ARHGEF3: variants seen among roughly 807,000 people sequenced by gnomAD.
The protein encoded by ARHGEF3 is Rho guanine nucleotide exchange factor 3.
ARHGEF3 carries 28 observed loss-of-function variants against 63.2 expected under a neutral mutation model. That is an observed-to-expected ratio of 0.44 (90% CI 0.33 to 0.61). The LOEUF (loss-of-function observed/expected upper bound fraction) is 0.61, where lower values mean the gene tolerates loss of function less well. ARHGEF3 is among the 20% of genes least tolerant of loss of function. ARHGEF3 has a pLI of 0.03. For synonymous variants in ARHGEF3, 266 were observed against 254.2 expected (o/e 1.05, Z -0.44); for missense variants, 533 against 659.3 (o/e 0.81, Z 2.10).
Position 57,022,191 on chromosome 3 carries a change from T to C in ARHGEF3, c.62+12897A>G, listed in dbSNP as rs577418141. ...CTAGAGGCTGAGTCAGGGGGATTGC[T>C]TGAGCTCAGGAGTTTGAGGCTGCAG... On this transcript the variant is annotated intron_variant, in intron 2 of 12. Coordinates refer to the ARHGEF3 transcript ENST00000338458. Among the ~76,000 whole-genome samples, 4 of 152,208 alleles carry C rather than the reference T, an allele frequency of 2.6e-5. No individual in the cohort carries two copies. The South Asian group carries it at 8.3e-4, about 32-fold the overall frequency.
At chr3:56,799,033 G>T (rs1010026784) in intron 1 of ARHGEF3, among the ~76,000 whole-genome samples, 1 of 152,088 alleles carries the variant, frequency 6.6e-6, no homozygotes, top group Admixed American at 6.5e-5. Context: ...ATCTTTTAAA[G>T]AAAATAAAAA....
At chr3:57,063,303 G>C (rs529257367) in intron 1 of ARHGEF3, among the ~76,000 whole-genome samples, 1 of 152,232 alleles carries the variant, frequency 6.6e-6, no homozygotes, top group African/African-American at 2.4e-5. Context: ...CACCCTAAAG[G>C]CTTTGGCTTT....
chr3:56,834,642 C>T (rs2039047291), intron 4 of ARHGEF3, among the ~76,000 whole-genome samples: 1 of 151,588 alleles, frequency 6.6e-6, no homozygotes, highest in Non-Finnish European at 1.5e-5. Context: ...TGCCTGTAAT[C>T]CCAGCTTCTC....
intron 4 of ARHGEF3, among the ~76,000 whole-genome samples, chr3:56,849,643 G>A (rs1290549514): frequency 1.4e-5 from 2 of 146,800 alleles, no homozygotes; most frequent in African/African-American, 5.1e-5. Flanking sequence ...GCCCAAAATA[G>A]ATGGTCCCTC....
At chr3:56,732,948 G>GAC (rs2033281814) in intron 8 of ARHGEF3, among the ~76,000 whole-genome samples, 1 of 152,004 alleles carries the variant, frequency 6.6e-6, no homozygotes, top group Admixed American at 6.6e-5. Flanking sequence ...AGGAGTTCAA[G>GAC]ACTAGGCTGG....
intron 1 of ARHGEF3, among the ~76,000 whole-genome samples, chr3:57,038,224 G>T (rs370213079): frequency 6.6e-6 from 1 of 152,184 alleles, no homozygotes; most frequent in African/African-American, 2.4e-5. Flanking sequence ...CTCGGTGGTG[G>T]CTGAATGAAT....
chr3:56,762,814 C>G lies in ARHGEF3; in HGVS notation c.205-7663G>C, dbSNP rs193048909. On this transcript the variant is annotated intron_variant, in intron 2 of 9. Coordinates refer to ENST00000296315, the MANE Select transcript of ARHGEF3 (RefSeq NM_019555.3). ...CTGCGGTGGGTTAAACCAAAATGTA[C>G]AGCAATAATGGCCAGGACAGGAAAA... Among the ~76,000 whole-genome samples, 705 of 152,250 alleles carry G rather than the reference C, an allele frequency of 4.6e-3. 3 individuals are homozygous for G. The highest frequency in any genetic ancestry group is 7.5e-3 in the Non-Finnish European group (511 of 68,020).
intron 7 of ARHGEF3, among the ~76,000 whole-genome samples, chr3:56,743,211 C>A (rs1197154436): frequency 1.3e-5 from 2 of 152,202 alleles, no homozygotes; most frequent in Non-Finnish European, 2.9e-5. Flanking sequence ...CTGTGTTGGG[C>A]CTGCCAGATA....
intron 3 of ARHGEF3, among the ~76,000 whole-genome samples, chr3:56,887,982 CA>C (rs2040979002): frequency 6.6e-6 from 1 of 151,976 alleles, no homozygotes; most frequent in East Asian, 1.9e-4. Flanking sequence ...AAAGGGCAGC[CA>C]AAATTAAATC....
chr3:56,810,108 T>C (rs1238471462), intron 4 of ARHGEF3, among the ~76,000 whole-genome samples: 4 of 152,190 alleles, frequency 2.6e-5, no homozygotes, highest in African/African-American at 9.7e-5. Context: ...TAACCATTAT[T>C]CAGAGAAATT....
intron 4 of ARHGEF3, among the ~76,000 whole-genome samples, chr3:56,845,122 A>G (rs2039443228): frequency 6.7e-6 from 1 of 149,350 alleles, no homozygotes. Context: ...CAGTCCTTCA[A>G]CCACAAGAAG....
intron 6 of ARHGEF3, among the ~76,000 whole-genome samples, chr3:56,747,106 G>A (rs1231612919): frequency 1.4e-5 from 2 of 147,926 alleles, no homozygotes; most frequent in Non-Finnish European, 3.0e-5. Context: ...GAACCCAAAC[G>A]TGGTACTGTG....
chr3:56,750,960 A>C (rs2034704614), intron 6 of ARHGEF3, 96 bp downstream of exon 6: 1 of 887,808 alleles, frequency 1.1e-6, no homozygotes. Context: ...CATTTGTAAA[A>C]AAATAAAAAT....
At chr3:57,025,339 A>G (rs1200903756) in intron 2 of ARHGEF3, among the ~76,000 whole-genome samples, 2 of 152,160 alleles carry the variant, frequency 1.3e-5, no homozygotes, top group Non-Finnish European at 2.9e-5. Context: ...CAATGACACA[A>G]TGATCCACGA....
intron 1 of ARHGEF3, among the ~76,000 whole-genome samples, chr3:57,061,086 T>C (rs1705198094): frequency 1.3e-5 from 2 of 152,116 alleles, no homozygotes; most frequent in South Asian, 4.1e-4. Flanking sequence ...CAGAACTTTG[T>C]TGTCATTCTA....
chr3:56,795,905 G>C (rs1265407032), intron 1 of ARHGEF3, among the ~76,000 whole-genome samples: 1 of 151,682 alleles, frequency 6.6e-6, no homozygotes, highest in Non-Finnish European at 1.5e-5. Context: ...CCAAGTGCTA[G>C]GACTACAGGC....
chr3:56,982,552 A>G (rs895170660), intron 2 of ARHGEF3, among the ~76,000 whole-genome samples: 2 of 152,168 alleles, frequency 1.3e-5, no homozygotes, highest in Non-Finnish European at 2.9e-5. Context: ...GTTTAGCACC[A>G]TCAGACCTAC....
rs574341565 is a variant in ARHGEF3 at position 57,011,386 on chromosome 3, C to G, written c.62+23702G>C. On this transcript the variant is annotated intron_variant, in intron 2 of 12. Transcript: ENST00000338458. ...TGGATAGAGTTGCTCTCAATCCCCA[C>G]TGCCCACATTCAAATATATACGTCT... 3.9e-5 allele frequency among the ~76,000 whole-genome samples: 6 copies of G among 152,356 alleles called. No individual in the cohort carries two copies. The South Asian group carries it at 1.2e-3, about 32-fold the overall frequency.
At chr3:56,915,385 G>A (rs974972195) in intron 3 of ARHGEF3, among the ~76,000 whole-genome samples, 1 of 152,106 alleles carries the variant, frequency 6.6e-6, no homozygotes, top group Admixed American at 6.5e-5. Flanking sequence ...AGGACTGCTT[G>A]AGCCCGGGCG....
Sources: gnomAD v4.1 joint callset for allele counts (sites outside exome capture counted in the v4.1 genomes callset) on GRCh38, gnomAD v4.1.1 for gene constraint, MANE v1.5 for transcripts, NCBI Gene and HGNC (gene_info 2026-07-23, HGNC 2026-07-21) for gene names.